The following ZNF446 variants were observed in gnomAD, a reference collection of about 807,000 sequenced individuals.
ZNF446 encodes the protein zinc finger protein 446.
Under a neutral mutation model 34.0 loss-of-function variants are expected in ZNF446, and 42 were observed. That is an observed-to-expected ratio of 1.23 (90% CI 0.96 to 1.60). ZNF446 has a LOEUF of 1.60. ZNF446 is among the 40% of genes most tolerant of loss of function. The pLI, the probability that ZNF446 is intolerant of heterozygous loss-of-function variation, is 0.00. For missense variants in ZNF446, 650 were observed against 600.2 expected, an observed-to-expected ratio of 1.08 and a Z score of -0.87; for synonymous variants, 315 against 251.0, an observed-to-expected ratio of 1.25 and a Z score of -2.41.
chr19:58,485,014 G>A (rs140949313), downstream of ZNF446, among the ~76,000 whole-genome samples: 29 of 151,966 alleles, frequency 1.9e-4, 1 homozygote, highest in East Asian at 1.6e-3. Context: ...AGCCATGATC[G>A]TGCCAGCCGG....
the ZNF446 span, among the ~76,000 whole-genome samples, chr19:58,488,228 T>C: frequency 1.3e-4 from 17 of 135,362 alleles, no homozygotes; most frequent in African/African-American, 3.4e-4. Context: ...CCTGCCTTGC[T>C]CGTGGCCACA....
rs1214386841 is a variant in ZNF446 at position 58,478,323 on chromosome 19, C to T, written c.627+142C>T. The T allele has an allele frequency of 4.2e-6, 3 of 707,914 alleles. No homozygotes were observed. The East Asian group carries it at 8.4e-5, about 20-fold the overall frequency. The allele number at this position is 707,914 out of a possible 1,614,324, so 43.9% of individuals were successfully genotyped here. On this transcript the variant is annotated intron_variant, in intron 4 of 6. Transcript: ENST00000594369. The stretch of plus-strand genomic sequence containing the variant: ...AAGTGGAGTCTGTAAAAGCTGTACC[C>T]CTCCACAGGACCTGGGGCAGAGGGA...
chr19:58,481,656 G>A (rs770440657), downstream of ZNF446, among the ~76,000 whole-genome samples: 5 of 152,176 alleles, frequency 3.3e-5, no homozygotes, highest in South Asian at 2.1e-4. Flanking sequence ...CTGGGGACTC[G>A]CCAATGCACT....
rs2053135192 is a variant in ZNF446, at chr19:58,480,892, T to C, written c.*166T>C. ...TCTGGTCTCCCCCAAAAGACCTGGG[T>C]GCAAGGAAAAGGAGCTGCTCTCTCT... On this transcript the variant is annotated 3_prime_UTR_variant, in exon 7 of 7. Coordinates refer to ENST00000594369, the MANE Select transcript of ZNF446 (RefSeq NM_017908.4). This position sits in a 1 kb window ranked among gnomAD's most constrained non-coding sequence, Gnocchi z 7.2. The C allele has an allele frequency of 1.2e-6, 1 of 811,252 alleles. No individual in the cohort carries two copies. Among genetic ancestry groups the C allele is most frequent in the Admixed American group, 2.9e-5 (1 of 34,284 alleles). The allele number at this position is 811,252 out of a possible 1,614,324, so 50.3% of individuals were successfully genotyped here.
In ZNF446 at chr19:58,480,540, C is replaced by T; in HGVS notation, c.1167C>T (p.Leu389=). The T allele has an allele frequency of 6.2e-7, 1 of 1,612,820 alleles. No homozygotes were observed. The highest frequency in any genetic ancestry group is 8.5e-7 in the Non-Finnish European group (1 of 1,179,786). ...TTCCGCACCACCCCCGACGCTCACTCACAGGCCCCCGGAGTTACCCGTGTG... is the reference window on the plus strand; with the variant it reads ...TTCCGCACCACCCCCGACGCTCACTTACAGGCCCCCGGAGTTACCCGTGTG... ...VAFPHHPRRS[L]TGPRSYPCEE... The change falls in exon 7 of 7, where the codon CTC becomes CTT. Residue 389 remains leucine (L), a synonymous_variant. Transcript: ENST00000594369. This position sits in a 1 kb window ranked among gnomAD's most constrained non-coding sequence, Gnocchi z 7.2.
chr19:58,478,250 G>A (rs2122442908), intron 4 of ZNF446, 69 bp downstream of exon 4: 1 of 1,460,254 alleles, frequency 6.8e-7, no homozygotes, highest in Admixed American at 2.1e-5. Flanking sequence ...GCTGCCCTCT[G>A]CCTGGTGGTT....
At chr19:58,488,848 C>CTAA in the ZNF446 span, among the ~76,000 whole-genome samples, 1 of 102,316 alleles carries the variant, frequency 9.8e-6, no homozygotes, top group African/African-American at 3.8e-5. Context: ...AAGACTCCGT[C>CTAA]AAAAAAAAAA....
the ZNF446 span, among the ~76,000 whole-genome samples, chr19:58,488,855 AAAAAAAAAAC>A: frequency 1.3e-5 from 2 of 151,222 alleles, no homozygotes; most frequent in East Asian, 1.9e-4. Context: ...CGTCAAAAAA[AAAAAAAAAAC>A]AAAAAAATAC....
chr19:58,476,911 C>G (rs1363904444), intron 1 of ZNF446, among the ~76,000 whole-genome samples: 2 of 152,154 alleles, frequency 1.3e-5, no homozygotes. Context: ...CCAGCAGTCC[C>G]CTGCTGGACC....
downstream of ZNF446, among the ~76,000 whole-genome samples, chr19:58,484,742 G>A (rs959005161): frequency 6.6e-6 from 1 of 151,972 alleles, no homozygotes; most frequent in African/African-American, 2.4e-5. Flanking sequence ...AATCTATAAA[G>A]TAAATGAAAT....
intron 4 of ZNF446, 41 bp from the exon 5 acceptor site, chr19:58,479,602 A>AGG: frequency 6.2e-7 from 1 of 1,602,394 alleles, no homozygotes; most frequent in Non-Finnish European, 8.5e-7. Flanking sequence ...AGGGCAGGGA[A>AGG]GGGGTGGAAA....
chr19:58,479,988 G>C lies in ZNF446; in HGVS notation c.771G>C (p.Thr257=). The C allele has an allele frequency of 6.3e-7, 1 of 1,590,500 alleles. No homozygotes were observed. Among genetic ancestry groups the C allele is most frequent in the Non-Finnish European group, 8.5e-7 (1 of 1,171,430 alleles). Residue 257 remains threonine (T), a synonymous_variant, in exon 6 of 7, where the codon ACG becomes ACC. Coordinates refer to ENST00000594369, the MANE Select transcript of ZNF446 (RefSeq NM_017908.4). ...QAQSELGMLL[T]GTGVCRSLRS... is the part of the protein sequence containing the mutation. ...AGTCAGAGCTGGGGATGCTGCTCAC[G>C]GGGACAGGCGTCTGCAGAAGCCTGC...
chr19:58,477,500 TGAG>T lies in ZNF446; in HGVS notation c.287_289del (p.Glu96del). Reference sequence around the variant, plus strand: ...TGCGCGGTCAGCGGCCAGGCAGTCCTGAGGAGGCCGCTGCCCTAGTCGAAGGAC... The same window carrying T: ...TGCGCGGTCAGCGGCCAGGCAGTCCTGAGGCCGCTGCCCTAGTCGAAGGAC... On this transcript the variant is annotated inframe_deletion, in exon 2 of 7. Transcript: ENST00000594369. The T allele has an allele frequency of 6.2e-7, 1 of 1,613,308 alleles. No individual in the cohort carries two copies. The highest frequency in any genetic ancestry group is 1.6e-4 in the Middle Eastern group (1 of 6,062).
At chr19:58,478,587 C>G (rs1188161499) in intron 4 of ZNF446, among the ~76,000 whole-genome samples, 3 of 151,910 alleles carry the variant, frequency 2.0e-5, no homozygotes, top group Admixed American at 6.6e-5. Context: ...TTGCTTGAAC[C>G]CAGGAGGCAG....
At chr19:58,485,754 T>A (rs1241458048), downstream of ZNF446, among the ~76,000 whole-genome samples, 10 of 152,282 alleles carry the variant, frequency 6.6e-5, 1 homozygote, top group East Asian at 1.9e-3. Context: ...TATTAAATTT[T>A]TTTTTGGTAG....
chr19:58,480,736 C>A lies in ZNF446; in HGVS notation c.*10C>A. ...GCCGGAGGTTCCATGAGCAGCCAGA[C>A]AGCACAGTCCCTCGGGGCCTCGGTG... On this transcript the variant is annotated 3_prime_UTR_variant, in exon 7 of 7. Transcript: ENST00000594369. The surrounding 1 kb of genome is among the most constrained non-coding windows in gnomAD (Gnocchi z 7.2). 6.3e-7 allele frequency: 1 copy of A among 1,595,286 alleles called. No homozygotes were observed. The highest frequency in any genetic ancestry group is 1.1e-5 in the South Asian group (1 of 90,844).
rs36095067 is a variant in ZNF446 at position 58,480,271 on chromosome 19, C to T, written c.898C>T (p.Pro300Ser). ...GGAGGGCTTGTCTGGGGCTGCCACT[C>T]CTGCCCCCACTGTGCGCCCAGGGAC... ...AWEGLSGAATPAPTVRPGTPP... is the reference protein window; with the variant it reads ...AWEGLSGAATSAPTVRPGTPP... Residue 300 changes from proline to serine, a missense_variant, in exon 7 of 7, where the codon CCT becomes TCT. Physicochemically the swap from Pro to Ser is moderately conservative, Grantham distance 74. Transcript: ENST00000594369. The surrounding 1 kb of genome is among the most constrained non-coding windows in gnomAD (Gnocchi z 7.2). The T allele has an allele frequency of 0.023, 35,898 of 1,578,742 alleles. 502 individuals carry two copies. Among genetic ancestry groups the T allele is most frequent in the Middle Eastern group, 0.039 (234 of 5,988 alleles).
chr19:58,485,457 C>T (rs1196157208), downstream of ZNF446, among the ~76,000 whole-genome samples: 1 of 152,162 alleles, frequency 6.6e-6, no homozygotes, highest in Non-Finnish European at 1.5e-5. Context: ...TTGCAGTGAG[C>T]TGAGATCATG....
chr19:58,477,640 A>C lies in ZNF446; in HGVS notation c.346A>C (p.Thr116Pro). ...GTGACCTACCTCTTCTCCTCAGATC[A>C]CAGCCCATGTCCTGAAGCAGGAGGT... Reference protein sequence around the residue: ...HDPGQLLGWITAHVLKQEVLP... With the variant: ...HDPGQLLGWIPAHVLKQEVLP... The change falls in exon 3 of 7, where the codon ACA (threonine) becomes CCA (proline). Residue 116 changes from threonine to proline, a missense_variant. Coordinates refer to ENST00000594369, the MANE Select transcript of ZNF446 (RefSeq NM_017908.4). 6.2e-7 allele frequency: 1 copy of C among 1,613,806 alleles called. No homozygotes were observed. Among genetic ancestry groups the C allele is most frequent in the Non-Finnish European group, 8.5e-7 (1 of 1,180,026 alleles).
Sources: allele counts gnomAD v4.1 joint callset (sites outside exome capture counted in the v4.1 genomes callset), GRCh38; gene constraint gnomAD v4.1.1; non-coding constraint Gnocchi (gnomAD v3.1); transcripts MANE v1.5; gene names NCBI Gene and HGNC (gene_info 2026-07-23, HGNC 2026-07-21).